LHFPL3: variants seen among roughly 807,000 people sequenced by gnomAD.
LHFPL3 encodes the protein LHFPL tetraspan subfamily member 3, also known as LHFPL tetraspan subfamily member 3 protein.
A neutral mutation model predicts 19.3 loss-of-function variants in LHFPL3; 5 were observed. The observed-to-expected ratio is 0.26, with a 90% CI of 0.14 to 0.54. The LOEUF is 0.54. LHFPL3 is among the 20% of genes least tolerant of loss of function. LHFPL3 has a pLI of 0.94. For missense variants in LHFPL3, 249 were observed against 307.4 expected (o/e 0.81, Z 1.42); for synonymous variants, 133 against 126.2 (o/e 1.05, Z -0.36).
rs1465794336 is a variant in LHFPL3 at position 104,399,595 on chromosome 7, G to A, written c.445+70371G>A. 6.6e-6 allele frequency among the ~76,000 whole-genome samples: 1 copy of A among 150,996 alleles called. No homozygotes were observed. The stretch of plus-strand genomic sequence containing the variant: ...TCCTGCCTCAGCCTCCCAAGTAGCT[G>A]AGATTACAAGCACCTGCCACCACAC... On this transcript the variant is annotated intron_variant, in intron 1 of 2. Coordinates refer to ENST00000424859, the MANE Select transcript of LHFPL3 (RefSeq NM_199000.3). This position sits in a 1 kb window ranked among gnomAD's most constrained non-coding sequence, Gnocchi z 4.4.
intron 1 of LHFPL3, among the ~76,000 whole-genome samples, chr7:104,649,319 G>A (rs1357798449): frequency 6.6e-6 from 1 of 152,222 alleles, no homozygotes; most frequent in East Asian, 1.9e-4. Context: ...AGCTGTGGGA[G>A]CACAGAGCAG....
chr7:104,470,344 T>C (rs1792882845), intron 1 of LHFPL3, among the ~76,000 whole-genome samples: 1 of 152,248 alleles, frequency 6.6e-6, no homozygotes, highest in Admixed American at 6.5e-5. Flanking sequence ...ATTCATCCTC[T>C]TATTTTTAAT....
At chr7:104,337,277 G>T (rs1789829421) in intron 1 of LHFPL3, among the ~76,000 whole-genome samples, 1 of 152,148 alleles carries the variant, frequency 6.6e-6, no homozygotes, top group African/African-American at 2.4e-5. Context: ...AATGAAGTAT[G>T]AATAGTAAAG....
intron 2 of LHFPL3, among the ~76,000 whole-genome samples, chr7:104,823,806 G>C (rs979091132): frequency 6.6e-6 from 1 of 151,668 alleles, no homozygotes; most frequent in African/African-American, 2.4e-5. Context: ...CACTAAGCTG[G>C]AAAAAAAGAG....
intron 1 of LHFPL3, among the ~76,000 whole-genome samples, chr7:104,688,055 C>G (rs1321310406): frequency 1.3e-5 from 2 of 152,176 alleles, no homozygotes; most frequent in Non-Finnish European, 2.9e-5. Flanking sequence ...GTGAACTGTT[C>G]AGAGATTTAT....
At chr7:104,619,898 G>T (rs1405474841) in intron 1 of LHFPL3, among the ~76,000 whole-genome samples, 1 of 152,096 alleles carries the variant, frequency 6.6e-6, no homozygotes. Flanking sequence ...GGGATGAACT[G>T]TTCCACCTCA....
intron 1 of LHFPL3, among the ~76,000 whole-genome samples, chr7:104,420,623 G>C (rs947664181): frequency 6.9e-6 from 1 of 144,858 alleles, no homozygotes; most frequent in Non-Finnish European, 1.5e-5. Context: ...GCAGTGGCGC[G>C]ATCTCGGCTC....
At chr7:104,594,818 C>T (rs1014234213) in intron 1 of LHFPL3, among the ~76,000 whole-genome samples, 1 of 152,172 alleles carries the variant, frequency 6.6e-6, no homozygotes, top group Admixed American at 6.5e-5. Flanking sequence ...CTTTCTTCCA[C>T]TTGATCAAAT....
chr7:104,639,141 G>T (rs928505528), intron 1 of LHFPL3, among the ~76,000 whole-genome samples: 2 of 152,096 alleles, frequency 1.3e-5, no homozygotes, highest in Admixed American at 6.6e-5. Context: ...CAGTATGAAT[G>T]GTACCAACTC....
At position 104,782,013 on chromosome 7, in the gene LHFPL3, G is replaced by A. The variant is rs561668707; in HGVS notation, c.682+45102G>A. ...AACTTAATTACCTAAAACAGCAACC[G>A]TTCTATCACGCTTATAATATCATGG... On this transcript the variant is annotated intron_variant, in intron 2 of 2. Transcript: ENST00000424859. 2.2e-4 allele frequency among the ~76,000 whole-genome samples: 33 copies of A among 152,244 alleles called. 1 individual carries two copies. The South Asian group carries it at 4.8e-3, about 22-fold the overall frequency.
At chr7:104,897,446 C>A (rs577040689) in intron 2 of LHFPL3, among the ~76,000 whole-genome samples, 1 of 152,230 alleles carries the variant, frequency 6.6e-6, no homozygotes, top group South Asian at 2.1e-4. Flanking sequence ...TAATTAGGAC[C>A]AGGACTATTA....
chr7:104,836,168 A>T, intron 2 of LHFPL3, among the ~76,000 whole-genome samples: 1 of 152,192 alleles, frequency 6.6e-6, no homozygotes, highest in Non-Finnish European at 1.5e-5. Context: ...AATGATCCTA[A>T]GATGGGAAGG....
intron 1 of LHFPL3, among the ~76,000 whole-genome samples, chr7:104,573,366 C>G (rs997604695): frequency 4.1e-5 from 6 of 145,274 alleles, no homozygotes; most frequent in Non-Finnish European, 9.1e-5. Context: ...GAGCCGAGAT[C>G]ACACCACTGC....
chr7:104,455,554 C>G (rs1414405977), intron 1 of LHFPL3, among the ~76,000 whole-genome samples: 3 of 152,062 alleles, frequency 2.0e-5, no homozygotes, highest in South Asian at 2.1e-4. Context: ...AACCTCATCT[C>G]TAATAAAAAT....
At chr7:104,898,377 C>A (rs1792409237) in intron 2 of LHFPL3, among the ~76,000 whole-genome samples, 1 of 152,118 alleles carries the variant, frequency 6.6e-6, no homozygotes, top group Admixed American at 6.5e-5. Context: ...AGTAACTAGT[C>A]CTCAAGTAAG....
At chr7:104,876,534 A>G (rs1474442685) in intron 2 of LHFPL3, among the ~76,000 whole-genome samples, 1 of 151,012 alleles carries the variant, frequency 6.6e-6, no homozygotes, top group Non-Finnish European at 1.5e-5. Flanking sequence ...AATGCTCATC[A>G]ACACTGGCCA....
intron 1 of LHFPL3, among the ~76,000 whole-genome samples, chr7:104,412,004 C>G (rs1429711118): frequency 6.6e-6 from 1 of 152,108 alleles, no homozygotes; most frequent in Non-Finnish European, 1.5e-5. Flanking sequence ...GAGAACAGAA[C>G]AAGGAGAACA....
intron 1 of LHFPL3, among the ~76,000 whole-genome samples, chr7:104,441,663 C>T (rs1227840678): frequency 1.3e-5 from 2 of 152,186 alleles, no homozygotes; most frequent in East Asian, 1.9e-4. Flanking sequence ...GCAGCCTCCA[C>T]CTCCTGGGTT....
chr7:104,575,834 G>A (rs909204608), intron 1 of LHFPL3, among the ~76,000 whole-genome samples: 1 of 151,976 alleles, frequency 6.6e-6, no homozygotes, highest in African/African-American at 2.4e-5. Flanking sequence ...AAATATTAAG[G>A]AGCCTCCTTT....
Sources: gnomAD v4.1 joint callset for allele counts (sites outside exome capture counted in the v4.1 genomes callset) on GRCh38, gnomAD v4.1.1 for gene constraint, Gnocchi (gnomAD v3.1) non-coding constraint, MANE v1.5 for transcripts, NCBI Gene and HGNC (gene_info 2026-07-23, HGNC 2026-07-21) for gene names.